Variants in CALCOCO2 observed in about 807,000 individuals in gnomAD.
CALCOCO2 encodes the protein calcium-binding and coiled-coil domain-containing protein 2.
Under a neutral mutation model 62.5 loss-of-function variants are expected in CALCOCO2, and 42 were observed. That is an observed-to-expected ratio of 0.67 (90% CI 0.53 to 0.87). CALCOCO2 has a LOEUF of 0.87. Ranked by LOEUF, CALCOCO2 falls within the 40% of genes least tolerant of loss-of-function variation. CALCOCO2 has a pLI of 0.00. For synonymous variants in CALCOCO2, 167 were observed against 173.0 expected, an observed-to-expected ratio of 0.97 and a Z score of 0.27; for missense variants, 456 against 515.0, an observed-to-expected ratio of 0.89 and a Z score of 1.11.
At position 48,865,031 on chromosome 17, in the gene CALCOCO2, C is replaced by G. The variant is rs1309577753; in HGVS notation, c.*2026C>G. On this transcript the variant is annotated 3_prime_UTR_variant, in exon 13 of 13. Coordinates refer to ENST00000258947, the MANE Select transcript of CALCOCO2 (RefSeq NM_005831.5). ...ACCATTTTCTGGTGAATTACCCACC[C>G]CTTTGCCCCTGCTACCCCGAGGGTT... 6.6e-6 allele frequency: 1 copy of G among 152,168 alleles called. No homozygotes were observed. Among genetic ancestry groups the G allele is most frequent in the Non-Finnish European group, 1.5e-5 (1 of 68,030 alleles). The allele number at this position is 152,168 out of a possible 1,614,324, so 9.4% of individuals were successfully genotyped here.
intron 2 of CALCOCO2, among the ~76,000 whole-genome samples, chr17:48,845,094 C>T (rs1187884391): frequency 6.6e-6 from 1 of 151,950 alleles, no homozygotes; most frequent in Non-Finnish European, 1.5e-5. Flanking sequence ...CAAGATTATG[C>T]CACTGCACTC....
intron 10 of CALCOCO2, among the ~76,000 whole-genome samples, chr17:48,858,701 G>T (rs900575302): frequency 6.6e-6 from 1 of 151,876 alleles, no homozygotes; most frequent in Non-Finnish European, 1.5e-5. Context: ...ATTGTGGGGG[G>T]GGGCAGGTGC....
Position 48,862,972 on chromosome 17 carries a change from C to A in CALCOCO2, c.1308C>A (p.Ile436=). ...DKIFPATEKQ[I]FEDHVFCHSL ...TCTTCCCAGCTACAGAGAAGCAGAT[C>A]TTTGAAGACCACGTGTTCTGCCACT... Residue 436 remains isoleucine, a synonymous_variant, in exon 13 of 13, where the codon ATC becomes ATA. Coordinates refer to ENST00000258947, the MANE Select transcript of CALCOCO2 (RefSeq NM_005831.5). 6.2e-7 allele frequency: 1 copy of A among 1,613,744 alleles called. No individual in the cohort carries two copies.
intron 2 of CALCOCO2, among the ~76,000 whole-genome samples, chr17:48,845,865 C>T (rs1176620401): frequency 6.6e-6 from 1 of 152,074 alleles, no homozygotes; most frequent in African/African-American, 2.4e-5. Flanking sequence ...CCCAAGGCCT[C>T]ACAGTGAATA....
chr17:48,861,583 C>G (rs1039711230), intron 11 of CALCOCO2, among the ~76,000 whole-genome samples: 6 of 149,420 alleles, frequency 4.0e-5, no homozygotes, highest in Non-Finnish European at 7.4e-5. Context: ...TCTCATTTTC[C>G]CCAATCTGAA....
At chr17:48,858,057 A>AATAGG (rs1567759590) in intron 10 of CALCOCO2, among the ~76,000 whole-genome samples, 12 of 139,502 alleles carry the variant, frequency 8.6e-5, no homozygotes, top group African/African-American at 2.7e-4. Context: ...AATAGAATAG[A>AATAGG]ATAGAATAGA....
rs1343462995 is a variant in CALCOCO2 at position 48,863,243 on chromosome 17, A to C, written c.*238A>C. 1 of 451,792 alleles carries C rather than the reference A, an allele frequency of 2.2e-6. No homozygotes were observed. Among genetic ancestry groups the C allele is most frequent in the African/African-American group, 2.0e-5 (1 of 50,074 alleles). The allele number at this position is 451,792 out of a possible 1,614,324, so 28.0% of individuals were successfully genotyped here. On this transcript the variant is annotated 3_prime_UTR_variant, in exon 13 of 13. Coordinates refer to ENST00000258947, the MANE Select transcript of CALCOCO2 (RefSeq NM_005831.5). ...ATAACTCTAGCTGTATCATCCTCTC[A>C]CCTGTCATTCTTCTGAGGGTCTCAG...
intron 9 of CALCOCO2, 198 bp from the exon 10 acceptor site, chr17:48,855,894 A>T (rs1039896455): frequency 2.5e-5 from 7 of 282,024 alleles, no homozygotes; most frequent in East Asian, 1.1e-4. Flanking sequence ...TGGCATCTTG[A>T]TGCCAGCTCA....
At chr17:48,850,246 C>T (rs1394772165) in intron 5 of CALCOCO2, among the ~76,000 whole-genome samples, 3 of 152,086 alleles carry the variant, frequency 2.0e-5, no homozygotes, top group Admixed American at 2.0e-4. Context: ...TTGCAGTGAG[C>T]CAAGATCACA....
At chr17:48,845,962 A>G in intron 2 of CALCOCO2, 1 of 646,788 alleles carries the variant, frequency 1.5e-6, no homozygotes, top group Admixed American at 2.9e-5. Context: ...AGTAAATTAG[A>G]GAATGAAGAG....
chr17:48,847,639 ACT>A (rs1296594951), intron 2 of CALCOCO2: 1 of 152,820 alleles, frequency 6.5e-6, no homozygotes, highest in Non-Finnish European at 1.5e-5. Flanking sequence ...GTCATAATGA[ACT>A]CATTCTATTA....
intron 10 of CALCOCO2, among the ~76,000 whole-genome samples, chr17:48,857,272 A>G (rs1402902507): frequency 7.0e-6 from 1 of 143,424 alleles, no homozygotes; most frequent in Non-Finnish European, 1.5e-5. Context: ...ATCTCAGCTC[A>G]CCGCAACCTC....
intron 1 of CALCOCO2, 90 bp from the exon 2 acceptor site, chr17:48,841,608 C>T: frequency 1.1e-6 from 1 of 892,564 alleles, no homozygotes; most frequent in Non-Finnish European, 1.6e-6. Context: ...ACTTGCTTTG[C>T]ACAGAATGTT....
At position 48,852,566 on chromosome 17, in the gene CALCOCO2, A is replaced by G. The variant is rs139222685; in HGVS notation, c.763A>G (p.Thr255Ala). 1.4e-4 allele frequency: 220 copies of G among 1,613,294 alleles called. No homozygotes were observed. The highest frequency in any genetic ancestry group is 1.7e-4 in the Non-Finnish European group (205 of 1,179,248). The change falls in exon 8 of 13, where the codon ACA (threonine) becomes GCA (alanine). Residue 255 changes from threonine to alanine, a missense_variant. Physicochemically the swap from Thr to Ala is moderately conservative, Grantham distance 58 (BLOSUM62 0). Around this residue, in one of 3 missense-constraint regions of CALCOCO2, gnomAD observed 236 missense variants for 225.3 expected, o/e 1.05. Transcript: ENST00000258947. ...EKLVQGDQDKTEQLEQLKKEN... is the reference protein window; with the variant it reads ...EKLVQGDQDKAEQLEQLKKEN... ...GCTTGTTCAGGGAGATCAAGATAAG[A>G]CAGAGCAGTTAGAGCAGCTGAAAAA... is the stretch of plus-strand genomic sequence containing the variant.
chr17:48,840,591 C>G (rs7207087), intron 1 of CALCOCO2, among the ~76,000 whole-genome samples: 50,993 of 152,036 alleles, frequency 0.34, 8,819 homozygotes, highest in Admixed American at 0.44. Flanking sequence ...ATGCTGTTTC[C>G]TTCACCTAGA....
At chr17:48,833,734 A>G (rs1258882279) in intron 1 of CALCOCO2, among the ~76,000 whole-genome samples, 3 of 152,178 alleles carry the variant, frequency 2.0e-5, no homozygotes, top group Non-Finnish European at 4.4e-5. Flanking sequence ...CTCTTGAAAT[A>G]TATGCCCACT....
intron 1 of CALCOCO2, 63 bp downstream of exon 1, chr17:48,831,141 T>C (rs1268514946): frequency 1.3e-5 from 2 of 152,388 alleles, no homozygotes; most frequent in Non-Finnish European, 2.9e-5. Flanking sequence ...AGACTTGCAG[T>C]CCTGAGAAGG....
chr17:48,860,025 C>T (rs1327707207), intron 10 of CALCOCO2, among the ~76,000 whole-genome samples: 3 of 152,088 alleles, frequency 2.0e-5, no homozygotes, highest in Non-Finnish European at 4.4e-5. Flanking sequence ...ACCTGGGAGA[C>T]GGAGGTTGCA....
In CALCOCO2 at chr17:48,863,599, T is replaced by TATTGTTTCAGTCACAGAAAGC. The variant is rs2040356640; in HGVS notation, c.*595_*615dup. 1 of 154,950 alleles carries TATTGTTTCAGTCACAGAAAGC rather than the reference T, an allele frequency of 6.5e-6. No individual in the cohort carries two copies. Among genetic ancestry groups the TATTGTTTCAGTCACAGAAAGC allele is most frequent in the Admixed American group, 6.3e-5 (1 of 15,882 alleles). The allele number at this position is 154,950 out of a possible 1,614,324, so 9.6% of individuals were successfully genotyped here. ...TTACTCCTGAACCTTAGACAGGAAGTATTGTTTCAGTCACAGAAAGCTTTT... is the reference window on the plus strand; with the variant it reads ...TTACTCCTGAACCTTAGACAGGAAGTATTGTTTCAGTCACAGAAAGCATTGTTTCAGTCACAGAAAGCTTTT... On this transcript the variant is annotated 3_prime_UTR_variant, in exon 13 of 13. Coordinates refer to ENST00000258947, the MANE Select transcript of CALCOCO2 (RefSeq NM_005831.5).
Sources: allele counts gnomAD v4.1 joint callset (sites outside exome capture counted in the v4.1 genomes callset), GRCh38; gene constraint gnomAD v4.1.1; regional missense constraint gnomAD v4.1.1; transcripts MANE v1.5; gene names NCBI Gene and HGNC (gene_info 2026-07-23, HGNC 2026-07-21).